Variants in LRRC49 observed in about 807,000 individuals in gnomAD.
LRRC49 encodes leucine rich repeat containing 49.
In LRRC49, 50 loss-of-function variants were observed where a neutral mutation model predicts 83.3. That is an observed-to-expected ratio of 0.60 (90% confidence interval 0.48 to 0.76). The LOEUF (loss-of-function observed/expected upper bound fraction) is 0.76. Ranked by LOEUF, LRRC49 falls within the 30% of genes least tolerant of loss-of-function variation. LRRC49 has a pLI of 0.00. For missense variants in LRRC49, 704 were observed against 809.1 expected, an observed-to-expected ratio of 0.87 and a Z score of 1.58; for synonymous variants, 286 against 283.3, an observed-to-expected ratio of 1.01 and a Z score of -0.10.
intron 6 of LRRC49, among the ~76,000 whole-genome samples, chr15:70,915,809 A>G (rs2034750026): frequency 1.3e-5 from 2 of 152,164 alleles, no homozygotes; most frequent in Non-Finnish European, 2.9e-5. Flanking sequence ...AGTTAAATCA[A>G]AAATCTTAAA....
chr15:70,862,189 T>C (rs1342889230), intron 1 of LRRC49, among the ~76,000 whole-genome samples: 1 of 152,170 alleles, frequency 6.6e-6, no homozygotes, highest in Non-Finnish European at 1.5e-5. Context: ...CAGCAGTCAA[T>C]GCTTCTCCCT....
intron 8 of LRRC49, among the ~76,000 whole-genome samples, chr15:70,954,222 G>A (rs113011584): frequency 6.6e-5 from 10 of 152,224 alleles, no homozygotes; most frequent in African/African-American, 2.2e-4. Flanking sequence ...TCTCAACTTG[G>A]TCTATTCTGC....
At chr15:71,033,185 T>G (rs1254849073) in intron 14 of LRRC49, among the ~76,000 whole-genome samples, 1 of 152,190 alleles carries the variant, frequency 6.6e-6, no homozygotes, top group Non-Finnish European at 1.5e-5. Flanking sequence ...AAAATCAATG[T>G]GCAAAAATTG....
chr15:70,912,671 T>C (rs940961927), intron 6 of LRRC49, among the ~76,000 whole-genome samples: 3 of 151,590 alleles, frequency 2.0e-5, no homozygotes, highest in African/African-American at 7.3e-5. Context: ...TTTATTTTAT[T>C]TATTTATTTA....
intron 5 of LRRC49, among the ~76,000 whole-genome samples, chr15:70,906,624 C>T (rs1377834571): frequency 6.6e-6 from 1 of 152,202 alleles, no homozygotes; most frequent in Non-Finnish European, 1.5e-5. Context: ...TTTTCAGCTT[C>T]TCTGGCTTCT....
chr15:71,023,543 G>A lies in LRRC49; in HGVS notation c.1703+10630G>A, dbSNP rs75992940. On this transcript the variant is annotated intron_variant, in intron 14 of 15. Transcript: ENST00000260382. ...TTATTGAGACTGACTTGGGCAGTTG[G>A]CACAACCCATGGAGAGAGAGGAAAA... Among the ~76,000 whole-genome samples the A allele has an allele frequency of 7.2e-3, 1,102 of 152,280 alleles. 19 individuals carry two copies. Among genetic ancestry groups the A allele is most frequent in the African/African-American group, 0.024 (1,007 of 41,552 alleles).
At chr15:70,938,644 T>C (rs2035689687) in intron 8 of LRRC49, among the ~76,000 whole-genome samples, 1 of 152,210 alleles carries the variant, frequency 6.6e-6, no homozygotes, top group South Asian at 2.1e-4. Context: ...ATAGCTGGGC[T>C]GTCAGATAAC....
chr15:70,879,060 G>A (rs866823352), intron 2 of LRRC49, among the ~76,000 whole-genome samples: 8 of 152,114 alleles, frequency 5.3e-5, no homozygotes, highest in African/African-American at 1.4e-4. Context: ...AAGTAAAGTC[G>A]TCTGGGCCTA....
chr15:70,898,285 CA>C (rs2033919975), intron 3 of LRRC49: 1 of 626,648 alleles, frequency 1.6e-6, no homozygotes, highest in Non-Finnish European at 2.8e-6. Flanking sequence ...ACAGAAGTAA[CA>C]CACGCAAAAT....
intron 7 of LRRC49, among the ~76,000 whole-genome samples, chr15:70,925,920 C>A (rs568485926): frequency 6.6e-6 from 1 of 152,270 alleles, no homozygotes; most frequent in Admixed American, 6.5e-5. Context: ...TCTATCACCT[C>A]AGAAAGTTTC....
At chr15:71,045,596 CAATT>C (rs2039831256) in intron 15 of LRRC49, among the ~76,000 whole-genome samples, 1 of 152,084 alleles carries the variant, frequency 6.6e-6, no homozygotes, top group Non-Finnish European at 1.5e-5. Flanking sequence ...TGAGTTTTGA[CAATT>C]CATACATTCA....
intron 15 of LRRC49, among the ~76,000 whole-genome samples, chr15:71,037,993 G>A (rs1259814715): frequency 6.6e-6 from 1 of 152,086 alleles, no homozygotes. Context: ...GAAAGCTGAA[G>A]AAACAACTTA....
intron 9 of LRRC49, among the ~76,000 whole-genome samples, chr15:70,972,266 A>C (rs1567077184): frequency 6.6e-6 from 1 of 152,204 alleles, no homozygotes; most frequent in Non-Finnish European, 1.5e-5. Flanking sequence ...TGGATATGAA[A>C]TTCTGGGTTG....
At chr15:70,932,661 A>T (rs1227474664) in intron 7 of LRRC49, among the ~76,000 whole-genome samples, 1 of 150,592 alleles carries the variant, frequency 6.6e-6, no homozygotes, top group Non-Finnish European at 1.5e-5. Flanking sequence ...CCAGTGATAG[A>T]TATTCCCCAC....
rs537908185 is a variant in LRRC49 at position 70,875,635 on chromosome 15, T to G, written c.18+2412T>G. Among the ~76,000 whole-genome samples, 3 of 152,232 alleles carry G rather than the reference T, an allele frequency of 2.0e-5. No individual in the cohort carries two copies. The South Asian group carries it at 6.2e-4, about 32-fold the overall frequency. ...GCTAAGAGTTATGGAACACTTACCA[T>G]GTGCCCAGCAGTGTTCTAGGTTTTT... is the stretch of plus-strand genomic sequence containing the variant. On this transcript the variant is annotated intron_variant, in intron 2 of 16. Transcript: ENST00000544974.
At chr15:70,912,581 C>T (rs1161502269) in intron 6 of LRRC49, among the ~76,000 whole-genome samples, 1 of 151,942 alleles carries the variant, frequency 6.6e-6, no homozygotes, top group Non-Finnish European at 1.5e-5. Flanking sequence ...GTTTTGATTT[C>T]TATTTTCCTG....
At chr15:70,883,368 A>G (rs1203381642) in intron 2 of LRRC49, among the ~76,000 whole-genome samples, 2 of 151,618 alleles carry the variant, frequency 1.3e-5, no homozygotes, top group Non-Finnish European at 2.9e-5. Flanking sequence ...ATTTTTTTGT[A>G]TTTTTAGTAG....
chr15:70,906,286 G>A (rs1471174181), intron 5 of LRRC49, among the ~76,000 whole-genome samples: 3 of 151,646 alleles, frequency 2.0e-5, no homozygotes, highest in African/African-American at 7.3e-5. Context: ...TAGTAGAGAT[G>A]GGGTTTCACC....
chr15:70,882,479 A>G lies in LRRC49; in HGVS notation c.18+9256A>G, dbSNP rs1595978628. On this transcript the variant is annotated intron_variant, in intron 2 of 16. Coordinates refer to the LRRC49 transcript ENST00000544974. ...TTAACATGTTTCTTCTTTCACCTGTACAGCCATATAAGACAAATCACTCTG... is the reference window on the plus strand; with the variant it reads ...TTAACATGTTTCTTCTTTCACCTGTGCAGCCATATAAGACAAATCACTCTG... The G allele has an allele frequency of 1.9e-6, 3 of 1,612,964 alleles. No individual in the cohort carries two copies. The Admixed American group carries it at 5.0e-5, about 27-fold the overall frequency.
Sources: allele counts gnomAD v4.1 joint callset (sites outside exome capture counted in the v4.1 genomes callset), GRCh38; gene constraint gnomAD v4.1.1; transcripts MANE v1.5; gene names NCBI Gene and HGNC (gene_info 2026-07-23, HGNC 2026-07-21).